The following CSMD3 variants were observed in gnomAD, a reference collection of about 807,000 sequenced individuals.
CSMD3 encodes CUB and sushi domain-containing protein 3.
A neutral mutation model predicts 435.2 loss-of-function variants in CSMD3; 177 were observed. That is an observed-to-expected ratio of 0.41 (90% CI 0.36 to 0.46). The LOEUF (loss-of-function observed/expected upper bound fraction) is 0.46. Ranked by LOEUF, CSMD3 falls within the 20% of genes least tolerant of loss-of-function variation. The pLI is 0.34. For missense variants in CSMD3, 4,265 were observed against 4,504.6 expected, an observed-to-expected ratio of 0.95 and a Z score of 1.52; for synonymous variants, 1,656 against 1,520.5, an observed-to-expected ratio of 1.09 and a Z score of -2.07.
At chr8:112,584,599 T>C (rs1200236862) in intron 23 of CSMD3, among the ~76,000 whole-genome samples, 1 of 151,746 alleles carries the variant, frequency 6.6e-6, no homozygotes, top group Non-Finnish European at 1.5e-5. Context: ...GAATCCAATA[T>C]AGTTATGTCA....
intron 68 of CSMD3, among the ~76,000 whole-genome samples, chr8:112,232,084 T>G (rs994984333): frequency 6.6e-6 from 1 of 152,128 alleles, no homozygotes; most frequent in Non-Finnish European, 1.5e-5. Flanking sequence ...GGGATTGGGA[T>G]TGACAATAGT....
At chr8:112,364,325 A>G (rs1213888026) in intron 38 of CSMD3, among the ~76,000 whole-genome samples, 1 of 151,970 alleles carries the variant, frequency 6.6e-6, no homozygotes, top group African/African-American at 2.4e-5. Context: ...TCTTAGGTGT[A>G]GGGGAAGAGA....
At chr8:112,253,925 T>C (rs941488468) in intron 63 of CSMD3, among the ~76,000 whole-genome samples, 1 of 152,020 alleles carries the variant, frequency 6.6e-6, no homozygotes, top group African/African-American at 2.4e-5. Context: ...TGTCCCCATA[T>C]CTTCCTGTAG....
At chr8:113,418,609 T>C (rs976843599) in intron 1 of CSMD3, among the ~76,000 whole-genome samples, 8 of 152,112 alleles carry the variant, frequency 5.3e-5, no homozygotes, top group Non-Finnish European at 1.0e-4. Context: ...ATACGGGAGA[T>C]GAAAAATACC....
intron 27 of CSMD3, among the ~76,000 whole-genome samples, chr8:112,533,478 G>A (rs1379178231): frequency 1.3e-5 from 2 of 151,904 alleles, no homozygotes; most frequent in Non-Finnish European, 2.9e-5. Context: ...GCTATACTTA[G>A]ATAAAATAGA....
chr8:112,851,685 A>G (rs2080492978), intron 11 of CSMD3, among the ~76,000 whole-genome samples: 1 of 151,560 alleles, frequency 6.6e-6, no homozygotes, highest in South Asian at 2.1e-4. Context: ...AATTGCTTGA[A>G]CCTGGGAGGC....
At chr8:113,345,174 A>G (rs2094144081) in intron 1 of CSMD3, among the ~76,000 whole-genome samples, 1 of 152,114 alleles carries the variant, frequency 6.6e-6, no homozygotes, top group Admixed American at 6.6e-5. Context: ...AAGTACTGAT[A>G]AATATTCAAA....
At position 112,976,085 on chromosome 8, in the gene CSMD3, G is replaced by C. The variant is rs1389572763; in HGVS notation, c.1094C>G (p.Thr365Ser). The change falls in exon 7 of 71, where the codon ACT (threonine) becomes AGT (serine). Residue 365 changes from threonine (T) to serine (S), a missense_variant. Transcript: ENST00000297405. ...TGTGCTAGCAACAGCAATAGCACCA[G>C]TGGTAGTCCTGTTATGCTCCTCTAA... ...GELEEHNRTT[T>S]GAIAVASTPA... 6.2e-7 allele frequency: 1 copy of C among 1,613,950 alleles called. No individual in the cohort carries two copies. Among genetic ancestry groups the C allele is most frequent in the African/African-American group, 1.3e-5 (1 of 74,926 alleles).
chr8:113,119,719 A>G (rs2090932468), intron 4 of CSMD3, among the ~76,000 whole-genome samples: 1 of 152,164 alleles, frequency 6.6e-6, no homozygotes, highest in South Asian at 2.1e-4. Context: ...GAATAGGAAA[A>G]ATAGTTAAAT....
At chr8:112,608,936 G>A (rs555658126) in intron 22 of CSMD3, among the ~76,000 whole-genome samples, 1 of 151,924 alleles carries the variant, frequency 6.6e-6, no homozygotes, top group Admixed American at 6.6e-5. Flanking sequence ...TGTAATTTCA[G>A]AGATGATTTT....
At chr8:113,316,118 A>G (rs1008962472) in intron 1 of CSMD3, among the ~76,000 whole-genome samples, 6 of 152,224 alleles carry the variant, frequency 3.9e-5, no homozygotes, top group African/African-American at 1.4e-4. Context: ...TGTAGGCTAC[A>G]TGCTAATAAA....
intron 1 of CSMD3, among the ~76,000 whole-genome samples, chr8:113,326,489 T>G (rs2132737042): frequency 6.6e-6 from 1 of 152,222 alleles, no homozygotes; most frequent in Non-Finnish European, 1.5e-5. Flanking sequence ...GCCTCCAGAA[T>G]ATTCATTTAT....
At chr8:113,313,589 A>C (rs1225677323) in intron 2 of CSMD3, 1 of 152,234 alleles carries the variant, frequency 6.6e-6, no homozygotes, top group Non-Finnish European at 1.5e-5. Context: ...GACTGATGAA[A>C]CTGTAAAAAG....
chr8:113,171,243 G>T (rs1365534724), intron 4 of CSMD3, among the ~76,000 whole-genome samples: 1 of 151,896 alleles, frequency 6.6e-6, no homozygotes, highest in Non-Finnish European at 1.5e-5. Context: ...TATGATTTTG[G>T]TATGTCTGCC....
At chr8:112,620,703 A>G (rs752263807) in intron 22 of CSMD3, among the ~76,000 whole-genome samples, 45 of 152,132 alleles carry the variant, frequency 3.0e-4, no homozygotes, top group Non-Finnish European at 5.1e-4. Flanking sequence ...AAAGCCATCC[A>G]GTCCAGACCC....
Position 112,787,016 on chromosome 8 carries a change from GAAT to G in CSMD3, c.1972+13143_1972+13145del, listed in dbSNP as rs538995584. 2.0e-3 allele frequency among the ~76,000 whole-genome samples: 310 copies of G among 152,198 alleles called. 4 individuals are homozygous for G. The highest frequency in any genetic ancestry group is 5.0e-4 in the Non-Finnish European group (34 of 68,002). ...TTCTGTTCCTGTGTTAGTTGGCTGA[GAAT>G]AATGGTTTCCAGCTTCATCCAGGTC... On this transcript the variant is annotated intron_variant, in intron 13 of 70. Coordinates refer to ENST00000297405, the MANE Select transcript of CSMD3 (RefSeq NM_198123.2).
intron 6 of CSMD3, among the ~76,000 whole-genome samples, chr8:112,990,036 A>G (rs1178934223): frequency 6.6e-6 from 1 of 151,944 alleles, no homozygotes; most frequent in African/African-American, 2.4e-5. Context: ...CCTGCCATGT[A>G]AGATGTGACT....
At chr8:112,275,384 C>T (rs1817946128) in intron 59 of CSMD3, among the ~76,000 whole-genome samples, 1 of 151,922 alleles carries the variant, frequency 6.6e-6, no homozygotes, top group Admixed American at 6.6e-5. Flanking sequence ...CCTGTCTCTA[C>T]TAAAAATACA....
chr8:112,660,150 C>T (rs1025078735), intron 17 of CSMD3, among the ~76,000 whole-genome samples: 3 of 152,012 alleles, frequency 2.0e-5, no homozygotes, highest in Non-Finnish European at 4.4e-5. Flanking sequence ...AGTGTCCTTA[C>T]AAGAGTTTGG....
Sources: gnomAD v4.1 joint callset for allele counts (sites outside exome capture counted in the v4.1 genomes callset) on GRCh38, gnomAD v4.1.1 for gene constraint, MANE v1.5 for transcripts, NCBI Gene and HGNC (gene_info 2026-07-23, HGNC 2026-07-21) for gene names.